Variants in INPP4B observed in about 807,000 individuals in gnomAD.
The protein encoded by INPP4B is inositol polyphosphate 4-phosphatase type II.
A neutral mutation model predicts 122.5 loss-of-function variants in INPP4B; 55 were observed. The ratio of observed to expected loss-of-function variants is 0.45; its 90% CI spans 0.36 to 0.56. INPP4B has a LOEUF of 0.56. Among genes scored for constraint, INPP4B ranks in the 20% least tolerant of loss-of-function variants. The pLI is 0.00. For synonymous variants in INPP4B, 403 were observed against 388.7 expected (o/e 1.04, Z -0.43); for missense variants, 1,000 against 1,097.7 (o/e 0.91, Z 1.26).
At chr4:142,737,801 T>C (rs1767202986) in intron 1 of INPP4B, among the ~76,000 whole-genome samples, 1 of 152,168 alleles carries the variant, frequency 6.6e-6, no homozygotes, top group Admixed American at 6.5e-5. Context: ...GAGCGAAGGA[T>C]ATGAACAGAC....
At chr4:142,844,049 C>T (rs985220357) in intron 1 of INPP4B, among the ~76,000 whole-genome samples, 2 of 152,002 alleles carry the variant, frequency 1.3e-5, no homozygotes, top group African/African-American at 2.4e-5. Context: ...GATAGTAGAG[C>T]GATTTAGTAT....
Position 142,192,994 on chromosome 4 carries a change from T to C in INPP4B, c.1181+93A>G, listed in dbSNP as rs1836648778. 29 of 723,862 alleles carry C rather than the reference T, an allele frequency of 4.0e-5. No individual in the cohort carries two copies. In the South Asian group the frequency reaches 4.4e-4, roughly 11 times the overall value. The allele number at this position is 723,862 out of a possible 1,614,324, so 44.8% of individuals were successfully genotyped here. On this transcript the variant is annotated intron_variant, in intron 15 of 25. Coordinates refer to ENST00000262992, the MANE Select transcript of INPP4B (RefSeq NM_001101669.3). ...AAATAGGTTAAGATGTCAAGAACTA[T>C]ACATTGTGATGGACCAATCACCTTG... is the stretch of plus-strand genomic sequence containing the variant.
chr4:142,421,858 T>C (rs1441436752), intron 5 of INPP4B, among the ~76,000 whole-genome samples: 1 of 152,122 alleles, frequency 6.6e-6, no homozygotes, highest in Non-Finnish European at 1.5e-5. Context: ...TATGCCTTTA[T>C]TTTGCCCTTA....
At chr4:142,188,879 T>C (rs1472221028) in intron 15 of INPP4B, among the ~76,000 whole-genome samples, 1 of 152,198 alleles carries the variant, frequency 6.6e-6, no homozygotes, top group Non-Finnish European at 1.5e-5. Flanking sequence ...AATTTATGTT[T>C]TGCATCTCCC....
At chr4:142,647,790 C>A (rs1032799856) in intron 2 of INPP4B, among the ~76,000 whole-genome samples, 4 of 152,242 alleles carry the variant, frequency 2.6e-5, no homozygotes, top group Non-Finnish European at 4.4e-5. Flanking sequence ...ATCTCCCATG[C>A]TGATTAATGT....
At chr4:142,830,784 T>G (rs1478850127) in intron 1 of INPP4B, among the ~76,000 whole-genome samples, 2 of 140,180 alleles carry the variant, frequency 1.4e-5, no homozygotes, top group African/African-American at 5.4e-5. Context: ...GAGGCAGAGA[T>G]GGGAGGATTT....
At chr4:142,233,464 C>T (rs1855327778) in intron 12 of INPP4B, among the ~76,000 whole-genome samples, 1 of 152,094 alleles carries the variant, frequency 6.6e-6, no homozygotes, top group Non-Finnish European at 1.5e-5. Flanking sequence ...AAAATTTTTG[C>T]TTAGTGGTTC....
intron 1 of INPP4B, among the ~76,000 whole-genome samples, chr4:142,785,530 T>C (rs796616466): frequency 1.3e-5 from 2 of 152,018 alleles, no homozygotes; most frequent in South Asian, 2.1e-4. Flanking sequence ...AACGCGATGA[T>C]AGAAATTAAG....
chr4:142,299,661 T>C (rs1326610077), intron 9 of INPP4B, among the ~76,000 whole-genome samples: 1 of 152,104 alleles, frequency 6.6e-6, no homozygotes, highest in Non-Finnish European at 1.5e-5. Flanking sequence ...TAATCATATA[T>C]GTGCTACTCT....
At chr4:142,349,545 T>A (rs1781329267) in intron 7 of INPP4B, among the ~76,000 whole-genome samples, 1 of 152,056 alleles carries the variant, frequency 6.6e-6, no homozygotes, top group African/African-American at 2.4e-5. Context: ...CTTTTCCATT[T>A]TCTTGCAAAG....
At chr4:142,519,147 C>G (rs762528887) in intron 2 of INPP4B, among the ~76,000 whole-genome samples, 1 of 152,102 alleles carries the variant, frequency 6.6e-6, no homozygotes, top group African/African-American at 2.4e-5. Flanking sequence ...TATAGGAGCA[C>G]AGGAAAATAT....
intron 25 of INPP4B, among the ~76,000 whole-genome samples, chr4:142,048,843 G>A (rs1752970742): frequency 6.6e-6 from 1 of 152,048 alleles, no homozygotes; most frequent in Admixed American, 6.6e-5. Flanking sequence ...AAAAGCCAGT[G>A]AGATTATTGC....
chr4:142,620,294 A>G (rs1025596498), intron 2 of INPP4B, among the ~76,000 whole-genome samples: 1 of 152,044 alleles, frequency 6.6e-6, no homozygotes, highest in Non-Finnish European at 1.5e-5. Flanking sequence ...AAAATGTGGT[A>G]CATATACACC....
chr4:142,078,873 T>C (rs1352704552), intron 25 of INPP4B, among the ~76,000 whole-genome samples: 2 of 151,950 alleles, frequency 1.3e-5, no homozygotes, highest in African/African-American at 2.4e-5. Context: ...AAAGGTAAAA[T>C]AAACTGCAAC....
chr4:142,058,785 G>A lies in INPP4B; in HGVS notation c.2642+23246C>T, dbSNP rs184612220. Among the ~76,000 whole-genome samples, 9 of 152,264 alleles carry A rather than the reference G, an allele frequency of 5.9e-5. No individual in the cohort carries two copies. The East Asian group carries it at 1.7e-3, about 29-fold the overall frequency. ...CTTATTATCTGTTGTAAGATGTCTAGTTCTAATACAGTTTTCCCTATTTCT... is the reference window on the plus strand; with the variant it reads ...CTTATTATCTGTTGTAAGATGTCTAATTCTAATACAGTTTTCCCTATTTCT... On this transcript the variant is annotated intron_variant, in intron 25 of 25. Transcript: ENST00000262992.
intron 11 of INPP4B, among the ~76,000 whole-genome samples, chr4:142,253,633 T>TG (rs1349220048): frequency 1.3e-5 from 2 of 152,180 alleles, no homozygotes; most frequent in African/African-American, 4.8e-5. Context: ...ACCCGAATAC[T>TG]GTGCTTTTCC....
intron 2 of INPP4B, among the ~76,000 whole-genome samples, chr4:142,644,737 A>G (rs1207618125): frequency 8.7e-6 from 1 of 115,258 alleles, no homozygotes; most frequent in African/African-American, 3.6e-5. Flanking sequence ...CCCCATCTCT[A>G]CTTAAAAAAA....
chr4:142,220,162 C>G (rs1848801087), intron 12 of INPP4B, among the ~76,000 whole-genome samples: 1 of 152,118 alleles, frequency 6.6e-6, no homozygotes, highest in Non-Finnish European at 1.5e-5. Flanking sequence ...GTACTCACTT[C>G]CTAGGAATTC....
chr4:142,811,216 T>C (rs577384743), intron 1 of INPP4B, among the ~76,000 whole-genome samples: 1 of 152,206 alleles, frequency 6.6e-6, no homozygotes, highest in East Asian at 1.9e-4. Context: ...ACCAAAGTAG[T>C]AGTGGAGTCA....
Sources: allele counts gnomAD v4.1 joint callset (sites outside exome capture counted in the v4.1 genomes callset), GRCh38; gene constraint gnomAD v4.1.1; transcripts MANE v1.5; gene names NCBI Gene and HGNC (gene_info 2026-07-23, HGNC 2026-07-21).